PRKD1: variants seen among roughly 807,000 people sequenced by gnomAD.
The protein encoded by PRKD1 is protein kinase D1.
PRKD1 carries 63 observed loss-of-function variants against 95.9 expected under a neutral mutation model. The observed-to-expected ratio is 0.66, with a 90% confidence interval of 0.54 to 0.81. The LOEUF (loss-of-function observed/expected upper bound fraction) is 0.81, where lower values mean the gene tolerates loss of function less well. Ranked by LOEUF, PRKD1 falls within the 30% of genes least tolerant of loss-of-function variation. PRKD1 has a pLI of 0.00. For missense variants in PRKD1, 1,048 were observed against 1,165.3 expected, an observed-to-expected ratio of 0.90 and a Z score of 1.47; for synonymous variants, 425 against 423.1, an observed-to-expected ratio of 1.00 and a Z score of -0.05.
intron 2 of PRKD1, among the ~76,000 whole-genome samples, chr14:29,709,237 TAAGTAA>T (rs146230868): frequency 9.0e-4 from 137 of 152,308 alleles, no homozygotes; most frequent in African/African-American, 3.2e-3. Context: ...TTTATTTCCT[TAAGTAA>T]AAGGGAAAAA....
intron 1 of PRKD1, among the ~76,000 whole-genome samples, chr14:29,844,553 T>C (rs539090416): frequency 6.6e-6 from 1 of 152,254 alleles, no homozygotes; most frequent in South Asian, 2.1e-4. Flanking sequence ...ATAAATTCAG[T>C]AAAGTGTACT....
At chr14:29,826,732 CACATATATAT>C (rs1566622568) in intron 1 of PRKD1, among the ~76,000 whole-genome samples, 9 of 52,690 alleles carry the variant, frequency 1.7e-4, no homozygotes, top group Admixed American at 5.0e-4. Context: ...CATATATATA[CACATATATAT>C]ACACATATAT....
Position 29,633,048 on chromosome 14 carries a change from G to A in PRKD1, c.1315-102C>T, listed in dbSNP as rs78878720. The A allele has an allele frequency of 1.4e-4, 151 of 1,087,502 alleles. 2 individuals carry two copies. In the East Asian group the frequency reaches 3.5e-3, roughly 25 times the overall value. The allele number at this position is 1,087,502 out of a possible 1,614,324, so 67.4% of individuals were successfully genotyped here. The stretch of plus-strand genomic sequence containing the variant: ...CCCAATAGGGACATGCGATTTGAGG[G>A]TGGAAAGTGCATGGGCTTTGGGAAA... On this transcript the variant is annotated intron_variant, in intron 8 of 17. Coordinates refer to ENST00000331968, the MANE Select transcript of PRKD1 (RefSeq NM_002742.3).
At chr14:29,658,510 G>C (rs1882018237) in intron 4 of PRKD1, among the ~76,000 whole-genome samples, 1 of 151,758 alleles carries the variant, frequency 6.6e-6, no homozygotes, top group South Asian at 2.1e-4. Context: ...ATATTTTATG[G>C]GGCCATTATT....
At chr14:29,704,962 G>T (rs1371090235) in intron 2 of PRKD1, among the ~76,000 whole-genome samples, 1 of 152,028 alleles carries the variant, frequency 6.6e-6, no homozygotes, top group African/African-American at 2.4e-5. Flanking sequence ...TAAAGATGTA[G>T]TGTTATTCCA....
rs1232573135 is a variant in PRKD1 at position 29,599,826 on chromosome 14, G to A, written c.1906-9C>T. On this transcript the variant is annotated splice_polypyrimidine_tract_variant and intron_variant, in intron 13 of 17. Coordinates refer to ENST00000331968, the MANE Select transcript of PRKD1 (RefSeq NM_002742.3). The stretch of plus-strand genomic sequence containing the variant: ...CCAGGGTGATGAAGGTTCTATTAAA[G>A]ATAAATAAAGCACTTGAAGAAAATG... 6.3e-7 allele frequency: 1 copy of A among 1,599,072 alleles called. No individual in the cohort carries two copies. The highest frequency in any genetic ancestry group is 8.5e-7 in the Non-Finnish European group (1 of 1,175,586).
In PRKD1 at chr14:29,927,338, G is replaced by A; in HGVS notation, c.175C>T (p.Arg59Cys). 6.4e-7 allele frequency: 1 copy of A among 1,566,152 alleles called. No individual in the cohort carries two copies. The highest frequency in any genetic ancestry group is 8.6e-7 in the Non-Finnish European group (1 of 1,158,350). The part of the protein sequence containing the change: ...ISFHLQIGLS[R>C]EPVLLLQDSS... ...TCCTGCAGCAGCAGCACCGGCTCAC[G>A]GCTCAGGCCGATCTGCAGATGGAAC... Residue 59 changes from arginine (R) to cysteine (C), a missense_variant, in exon 1 of 18, where the codon CGT becomes TGT. Physicochemically the swap from Arg to Cys is radical, Grantham distance 180 (BLOSUM62 -3). Transcript: ENST00000331968.
intron 1 of PRKD1, among the ~76,000 whole-genome samples, chr14:29,767,168 C>T (rs1888294829): frequency 6.6e-6 from 1 of 152,100 alleles, no homozygotes. Context: ...AAAACCTGTC[C>T]AGATTGTCTG....
At chr14:29,792,289 T>C (rs960444208) in intron 1 of PRKD1, among the ~76,000 whole-genome samples, 2 of 152,122 alleles carry the variant, frequency 1.3e-5, no homozygotes, top group African/African-American at 4.8e-5. Flanking sequence ...CAAGTTAGTT[T>C]TAATCTCAAG....
At chr14:29,898,916 G>A (rs1202585997) in intron 1 of PRKD1, among the ~76,000 whole-genome samples, 1 of 152,120 alleles carries the variant, frequency 6.6e-6, no homozygotes, top group Non-Finnish European at 1.5e-5. Context: ...AATACAGAAG[G>A]CAGAGAATTT....
At chr14:29,610,528 G>A (rs1418485472) in intron 13 of PRKD1, among the ~76,000 whole-genome samples, 4 of 152,312 alleles carry the variant, frequency 2.6e-5, no homozygotes, top group Admixed American at 6.5e-5. Flanking sequence ...CCAAATGCTG[G>A]CAAGGATGTG....
chr14:29,874,434 A>C (rs924999736), intron 1 of PRKD1, among the ~76,000 whole-genome samples: 1 of 152,164 alleles, frequency 6.6e-6, no homozygotes, highest in African/African-American at 2.4e-5. Context: ...TCTAAAACTG[A>C]AAGAACTATC....
intron 2 of PRKD1, among the ~76,000 whole-genome samples, chr14:29,704,812 A>C (rs1457792395): frequency 6.6e-6 from 1 of 151,894 alleles, no homozygotes; most frequent in African/African-American, 2.4e-5. Context: ...TAGATGGCAT[A>C]ATTAAAAAGT....
At chr14:29,897,870 A>G (rs980918927) in intron 1 of PRKD1, among the ~76,000 whole-genome samples, 1 of 152,116 alleles carries the variant, frequency 6.6e-6, no homozygotes, top group Non-Finnish European at 1.5e-5. Flanking sequence ...CAGAATATTA[A>G]TGTCCAAGAA....
intron 9 of PRKD1, 131 bp from the exon 10 acceptor site, chr14:29,631,152 T>A (rs188514472): frequency 1.1e-6 from 1 of 910,446 alleles, no homozygotes; most frequent in East Asian, 2.7e-5. Flanking sequence ...TTTTAAACTA[T>A]AAAACACAGA....
chr14:29,800,600 G>T (rs1298639891), intron 1 of PRKD1, among the ~76,000 whole-genome samples: 1 of 152,098 alleles, frequency 6.6e-6, no homozygotes, highest in East Asian at 1.9e-4. Flanking sequence ...TATTTGACTT[G>T]CTTTACCTTA....
intron 2 of PRKD1, among the ~76,000 whole-genome samples, chr14:29,721,810 T>C (rs1885910206): frequency 1.3e-5 from 2 of 152,278 alleles, no homozygotes; most frequent in South Asian, 4.1e-4. Flanking sequence ...CATGCAGTTG[T>C]TATTTTTTTC....
At position 29,598,121 on chromosome 14, in the gene PRKD1, A is replaced by T. The variant is rs541553610; in HGVS notation, c.2167-363T>A. On this transcript the variant is annotated intron_variant, in intron 15 of 17. Transcript: ENST00000331968. ...GAGACCCCCATCTCTACAAAAAATT[A>T]AAAAATTAGCCCGGCGTAGTGGTGT... 1.6e-4 allele frequency among the ~76,000 whole-genome samples: 24 copies of T among 151,832 alleles called. 1 individual carries two copies. Among genetic ancestry groups the T allele is most frequent in the African/African-American group, 5.1e-4 (21 of 41,398 alleles).
chr14:29,917,384 G>A (rs1418839719), intron 1 of PRKD1, among the ~76,000 whole-genome samples: 3 of 152,180 alleles, frequency 2.0e-5, no homozygotes, highest in African/African-American at 7.2e-5. Flanking sequence ...TTAATGAAAA[G>A]TGCTTTGATT....
Sources: allele counts gnomAD v4.1 joint callset (sites outside exome capture counted in the v4.1 genomes callset), GRCh38; gene constraint gnomAD v4.1.1; transcripts MANE v1.5; gene names NCBI Gene and HGNC (gene_info 2026-07-23, HGNC 2026-07-21).